The following TRIM66 variants were observed in gnomAD, a reference collection of about 807,000 sequenced individuals.
TRIM66 encodes the protein tripartite motif-containing protein 66.
A neutral mutation model predicts 148.2 loss-of-function variants in TRIM66; 99 were observed. The ratio of observed to expected loss-of-function variants is 0.67; its 90% CI spans 0.57 to 0.79. TRIM66 has a LOEUF of 0.79. TRIM66 is among the 30% of genes least tolerant of loss of function. TRIM66 has a pLI of 0.00. For synonymous variants in TRIM66, 616 were observed against 635.9 expected (o/e 0.97, Z 0.47); for missense variants, 1,666 against 1,697.9 (o/e 0.98, Z 0.33).
At chr11:8,666,320 C>G (rs997613668) in intron 6 of TRIM66, among the ~76,000 whole-genome samples, 4 of 80,380 alleles carry the variant, frequency 5.0e-5, no homozygotes, top group African/African-American at 9.7e-5. Context: ...GCCTGGGCAA[C>G]AAGAGCAAAA....
upstream of TRIM66, chr11:8,682,766 C>T (rs200556308): frequency 2.5e-6 from 4 of 1,613,444 alleles, no homozygotes; most frequent in South Asian, 3.3e-5. Context: ...GTGGCCGATA[C>T]CTCGCGAGAC....
upstream of TRIM66, chr11:8,683,060 G>A: frequency 1.0e-6 from 1 of 952,700 alleles, no homozygotes. Flanking sequence ...TCACGGCCCT[G>A]AGCGGATCGG....
chr11:8,620,627 T>A, intron 20 of TRIM66, 55 bp from the exon 21 acceptor site: 2 of 1,534,388 alleles, frequency 1.3e-6, no homozygotes, highest in Non-Finnish European at 1.8e-6. Context: ...AGAGCACCCT[T>A]CCCTCTCCCT....
chr11:8,630,172 C>A (rs956122120), intron 15 of TRIM66, among the ~76,000 whole-genome samples: 43 of 152,164 alleles, frequency 2.8e-4, no homozygotes, highest in African/African-American at 9.7e-4. Context: ...CAGGCTGAGT[C>A]TCCAGGGCCT....
chr11:8,643,591 C>T (rs1409771718), intron 12 of TRIM66, among the ~76,000 whole-genome samples: 1 of 152,106 alleles, frequency 6.6e-6, no homozygotes, highest in Non-Finnish European at 1.5e-5. Flanking sequence ...ATCTGCCCAC[C>T]TCGGCCTCCC....
At chr11:8,645,604 A>G (rs895211557) in intron 12 of TRIM66, 137 bp downstream of exon 12, 1 of 1,004,952 alleles carries the variant, frequency 1.0e-6, no homozygotes, top group Middle Eastern at 3.2e-4. Flanking sequence ...TGAAGGATGG[A>G]TGGAGCTGCT....
chr11:8,631,685 T>C (rs535034132), intron 15 of TRIM66, among the ~76,000 whole-genome samples: 2 of 152,338 alleles, frequency 1.3e-5, no homozygotes, highest in Admixed American at 6.5e-5. Flanking sequence ...TATAGAAATC[T>C]TGACTCCCTG....
Position 8,614,428 on chromosome 11 carries a change from A to G in TRIM66, c.*3516T>C, listed in dbSNP as rs1291136267. On this transcript the variant is annotated 3_prime_UTR_variant, in exon 25 of 25. Coordinates refer to ENST00000646038, the MANE Select transcript of TRIM66 (RefSeq NM_001388022.1). ...ATGCTGACAAAAACATCAGTGTGTG[A>G]TAGGCTCTGGGTTCATGCTGGGGAG... 1 of 152,338 alleles carries G rather than the reference A, an allele frequency of 6.6e-6. No homozygotes were observed. The highest frequency in any genetic ancestry group is 1.5e-5 in the Non-Finnish European group (1 of 68,146). 9.4% of individuals were successfully genotyped at this position (152,338 alleles called of 1,614,324 possible).
intron 15 of TRIM66, among the ~76,000 whole-genome samples, chr11:8,625,463 TTGTG>T (rs147088164): frequency 0.32 from 47,266 of 148,070 alleles, 7,913 homozygotes; most frequent in Non-Finnish European, 0.4. Flanking sequence ...CGGAGAACTA[TTGTG>T]TGTGTGTGTG....
At chr11:8,637,641 A>C (rs1301215473) in intron 15 of TRIM66, among the ~76,000 whole-genome samples, 1 of 152,184 alleles carries the variant, frequency 6.6e-6, no homozygotes, top group East Asian at 1.9e-4. Context: ...GAGCTAGGGA[A>C]ACTTGGTGAG....
chr11:8,658,965 A>G (rs2133362478), intron 6 of TRIM66: 1 of 226,822 alleles, frequency 4.4e-6, no homozygotes, highest in East Asian at 1.8e-4. Context: ...GAAGACACAC[A>G]TTTACGATGC....
chr11:8,628,636 A>AAAAAAAAAAAAAAAAAAAAAAAAAG (rs1555042270), intron 15 of TRIM66, among the ~76,000 whole-genome samples: 1 of 93,338 alleles, frequency 1.1e-5, no homozygotes, highest in African/African-American at 3.5e-5. Context: ...AAAAAAAAAA[A>AAAAAAAAAAAAAAAAAAAAAAAAAG]AGAGAGAGAA....
chr11:8,629,562 G>A (rs747542641), intron 15 of TRIM66, among the ~76,000 whole-genome samples: 1 of 152,290 alleles, frequency 6.6e-6, no homozygotes, highest in East Asian at 1.9e-4. Context: ...GATCATATTC[G>A]TGGGAAATTG....
intron 12 of TRIM66, 154 bp downstream of exon 12, chr11:8,645,587 T>C (rs1048437772): frequency 1.8e-5 from 16 of 893,662 alleles, no homozygotes; most frequent in African/African-American, 3.4e-5. Flanking sequence ...AAAGCAGTGA[T>C]TGAATTTGAA....
At chr11:8,675,501 G>A (rs761752075) in intron 3 of TRIM66, among the ~76,000 whole-genome samples, 12 of 152,056 alleles carry the variant, frequency 7.9e-5, no homozygotes, top group Non-Finnish European at 1.8e-4. Context: ...TCCTGCCTCA[G>A]CCTCCCGAGC....
At chr11:8,674,526 T>G (rs1188060173) in intron 4 of TRIM66, among the ~76,000 whole-genome samples, 4 of 152,184 alleles carry the variant, frequency 2.6e-5, no homozygotes. Flanking sequence ...ACTATAGGCA[T>G]GTGCCACCAC....
chr11:8,679,080 G>A (rs569490990), intron 3 of TRIM66: 1 of 152,232 alleles, frequency 6.6e-6, no homozygotes, highest in Non-Finnish European at 1.5e-5. Context: ...CCCCTCAGGA[G>A]TCATGGCCAA....
In TRIM66 at chr11:8,645,782, A is replaced by G. The variant is rs1251626847; in HGVS notation, c.1063T>C (p.Cys355Arg). Residue 355 changes from cysteine (C) to arginine (R), a missense_variant, in exon 12 of 25, where the codon TGC becomes CGC. Cys to Arg is a radical substitution (Grantham distance 180, BLOSUM62 -3). Around this residue, in one of 3 missense-constraint regions of TRIM66, gnomAD observed 1,431 missense variants for 1,412.4 expected, o/e 1.01. Transcript: ENST00000646038. The part of the protein sequence containing the change: ...HVQNFINWAV[C>R]SKTSVPFLFS... ...AGAAAAGGGACACTGGTTTTGCTGC[A>G]GACAGCCCAGTTGATGAAATTCTGC... The G allele has an allele frequency of 6.4e-7, 1 of 1,551,770 alleles. No homozygotes were observed. Among genetic ancestry groups the G allele is most frequent in the South Asian group, 1.2e-5 (1 of 84,056 alleles).
At position 8,613,812 on chromosome 11, in the gene TRIM66, G is replaced by A. The variant is rs943097347; in HGVS notation, c.*4132C>T. 1.3e-5 allele frequency: 2 copies of A among 152,212 alleles called. No homozygotes were observed. Among genetic ancestry groups the A allele is most frequent in the Non-Finnish European group, 1.5e-5 (1 of 68,070 alleles). The allele number at this position is 152,212 out of a possible 1,614,324, so 9.4% of individuals were successfully genotyped here. On this transcript the variant is annotated 3_prime_UTR_variant, in exon 25 of 25. Coordinates refer to ENST00000646038, the MANE Select transcript of TRIM66 (RefSeq NM_001388022.1). Reference sequence around the variant, plus strand: ...AGCAGGCAAGGAAGCTCTTGCTTTAGGGGCTGTCTTCTGTGAAGTAGACAG... The same window carrying A: ...AGCAGGCAAGGAAGCTCTTGCTTTAAGGGCTGTCTTCTGTGAAGTAGACAG...
Sources: gnomAD v4.1 joint callset for allele counts (sites outside exome capture counted in the v4.1 genomes callset) on GRCh38, gnomAD v4.1.1 for gene constraint, gnomAD v4.1.1 regional missense constraint, MANE v1.5 for transcripts, NCBI Gene and HGNC (gene_info 2026-07-23, HGNC 2026-07-21) for gene names.